PELI2: variants seen among roughly 807,000 people sequenced by gnomAD.
PELI2 encodes pellino E3 ubiquitin protein ligase family member 2, also known as E3 ubiquitin-protein ligase pellino homolog 2.
PELI2 carries 23 observed loss-of-function variants against 42.3 expected under a neutral mutation model. The ratio of observed to expected loss-of-function variants is 0.54; its 90% CI spans 0.39 to 0.77. The LOEUF (loss-of-function observed/expected upper bound fraction) is 0.77. Ranked by LOEUF, PELI2 falls within the 30% of genes least tolerant of loss-of-function variation. The pLI, the probability that PELI2 is intolerant of heterozygous loss-of-function variation, is 0.00. For synonymous variants in PELI2, 245 were observed against 212.2 expected (o/e 1.15, Z -1.34); for missense variants, 463 against 553.2 (o/e 0.84, Z 1.64).
At chr14:56,176,305 G>A (rs1318717537) in intron 1 of PELI2, among the ~76,000 whole-genome samples, 1 of 152,226 alleles carries the variant, frequency 6.6e-6, no homozygotes, top group African/African-American at 2.4e-5. Flanking sequence ...GCAGCGCAGA[G>A]TTGTGCCAAA....
chr14:56,231,205 A>G (rs1887555915), intron 2 of PELI2, among the ~76,000 whole-genome samples: 1 of 152,226 alleles, frequency 6.6e-6, no homozygotes, highest in African/African-American at 2.4e-5. Flanking sequence ...TCAACGAGAC[A>G]GAAAGTTAAC....
At chr14:56,147,925 G>A (rs1286476239) in intron 1 of PELI2, among the ~76,000 whole-genome samples, 1 of 152,228 alleles carries the variant, frequency 6.6e-6, no homozygotes, top group Non-Finnish European at 1.5e-5. Flanking sequence ...AGACTGCATA[G>A]TCTATGTAAC....
At chr14:56,155,562 T>C (rs1260955064) in intron 1 of PELI2, among the ~76,000 whole-genome samples, 1 of 150,720 alleles carries the variant, frequency 6.6e-6, no homozygotes, top group Admixed American at 6.6e-5. Context: ...TGGCTTTTGG[T>C]TTTTGTTCTC....
chr14:56,244,537 G>A (rs1044820883), intron 2 of PELI2, among the ~76,000 whole-genome samples: 20 of 152,070 alleles, frequency 1.3e-4, no homozygotes, highest in African/African-American at 4.1e-4. Context: ...TGAACAAAAG[G>A]TTCCCAGACA....
intron 1 of PELI2, among the ~76,000 whole-genome samples, chr14:56,137,901 T>C (rs1883742382): frequency 6.6e-6 from 1 of 152,258 alleles, no homozygotes. Flanking sequence ...ATGAGCTTGC[T>C]TGCTCTGGGC....
intron 1 of PELI2, among the ~76,000 whole-genome samples, chr14:56,127,469 G>A (rs1293601717): frequency 2.6e-5 from 4 of 152,250 alleles, no homozygotes; most frequent in African/African-American, 7.2e-5. Flanking sequence ...ACTGTCGGCA[G>A]TAAGAAGGTA....
Position 56,299,695 on chromosome 14 carries a change from T to C in PELI2, c.*2529T>C, listed in dbSNP as rs963729788. The C allele has an allele frequency of 6.6e-6, 1 of 152,200 alleles. No homozygotes were observed. Among genetic ancestry groups the C allele is most frequent in the African/African-American group, 2.4e-5 (1 of 41,442 alleles). 9.4% of individuals were successfully genotyped at this position (152,200 alleles called of 1,614,324 possible). ...GGAGAAACGCAATTCAGAAAAGTAA[T>C]TTCTCCAAGGTCACTTCTTTTTTTA... On this transcript the variant is annotated 3_prime_UTR_variant, in exon 6 of 6. Transcript: ENST00000267460.
intron 2 of PELI2, among the ~76,000 whole-genome samples, chr14:56,237,922 C>T (rs1259473965): frequency 6.6e-6 from 1 of 151,890 alleles, no homozygotes; most frequent in Non-Finnish European, 1.5e-5. Context: ...CTTTTTCATG[C>T]ATACTGTTTT....
At chr14:56,281,224 A>G (rs1259481914) in intron 3 of PELI2, among the ~76,000 whole-genome samples, 1 of 152,138 alleles carries the variant, frequency 6.6e-6, no homozygotes, top group East Asian at 1.9e-4. Context: ...AAAGTTGTTC[A>G]TTGTAGTGTT....
intron 1 of PELI2, among the ~76,000 whole-genome samples, chr14:56,174,145 C>T (rs1333619073): frequency 1.3e-5 from 2 of 152,180 alleles, no homozygotes; most frequent in African/African-American, 4.8e-5. Flanking sequence ...TCAAGTGATC[C>T]ACCCGCCTCG....
At chr14:56,200,401 A>C (rs1261252889) in intron 2 of PELI2, among the ~76,000 whole-genome samples, 1 of 152,226 alleles carries the variant, frequency 6.6e-6, no homozygotes, top group Non-Finnish European at 1.5e-5. Flanking sequence ...AGTGTTAAGT[A>C]ACCTCCCCAG....
chr14:56,166,911 C>T (rs1428675197), intron 1 of PELI2, among the ~76,000 whole-genome samples: 1 of 152,182 alleles, frequency 6.6e-6, no homozygotes, highest in Non-Finnish European at 1.5e-5. Context: ...CCTCAGCCTC[C>T]TGAGTAGCTA....
intron 1 of PELI2, among the ~76,000 whole-genome samples, chr14:56,137,806 A>G (rs1883739041): frequency 6.6e-6 from 1 of 152,206 alleles, no homozygotes; most frequent in African/African-American, 2.4e-5. Context: ...ATCGTTGCAG[A>G]GAGTTCAGAA....
intron 1 of PELI2, among the ~76,000 whole-genome samples, chr14:56,132,186 T>C (rs919941515): frequency 6.6e-5 from 10 of 152,182 alleles, no homozygotes; most frequent in Non-Finnish European, 1.2e-4. Context: ...GCCCAGACAC[T>C]GAGTGACTCG....
chr14:56,160,191 G>A (rs961076438), intron 1 of PELI2, among the ~76,000 whole-genome samples: 4 of 152,112 alleles, frequency 2.6e-5, no homozygotes, highest in African/African-American at 9.7e-5. Context: ...TGAGGCTGGG[G>A]TTGGGAGTCA....
At chr14:56,246,951 C>A (rs1432224472) in intron 2 of PELI2, among the ~76,000 whole-genome samples, 2 of 152,172 alleles carry the variant, frequency 1.3e-5, no homozygotes, top group East Asian at 3.8e-4. Context: ...CTTCTCCACC[C>A]CAGTAACCAT....
At chr14:56,206,232 A>G (rs1886514077) in intron 2 of PELI2, among the ~76,000 whole-genome samples, 1 of 152,246 alleles carries the variant, frequency 6.6e-6, no homozygotes, top group African/African-American at 2.4e-5. Context: ...CTTGATCAAA[A>G]GAGATGTGTT....
rs2139914442 is a variant in PELI2 at position 56,297,886 on chromosome 14, T to C, written c.*720T>C. Reference sequence around the variant, plus strand: ...CCTGTCTTTTGTTATTTCTGCCTAATATGATTTGCCCCGATACTCATCTTG... The same window carrying C: ...CCTGTCTTTTGTTATTTCTGCCTAACATGATTTGCCCCGATACTCATCTTG... On this transcript the variant is annotated 3_prime_UTR_variant, in exon 6 of 6. Coordinates refer to ENST00000267460, the MANE Select transcript of PELI2 (RefSeq NM_021255.3). 6.6e-6 allele frequency: 1 copy of C among 152,206 alleles called. No individual in the cohort carries two copies. Among genetic ancestry groups the C allele is most frequent in the Non-Finnish European group, 1.5e-5 (1 of 68,004 alleles). 9.4% of individuals were successfully genotyped at this position (152,206 alleles called of 1,614,324 possible).
At chr14:56,182,679 T>C (rs1885629562) in intron 2 of PELI2, among the ~76,000 whole-genome samples, 2 of 152,226 alleles carry the variant, frequency 1.3e-5, no homozygotes, top group Non-Finnish European at 2.9e-5. Flanking sequence ...TTTAATGTCA[T>C]TGCTACAACC....
Sources: gnomAD v4.1 joint callset for allele counts (sites outside exome capture counted in the v4.1 genomes callset) on GRCh38, gnomAD v4.1.1 for gene constraint, MANE v1.5 for transcripts, NCBI Gene and HGNC (gene_info 2026-07-23, HGNC 2026-07-21) for gene names.